The following NOX4 variants were observed in gnomAD, a reference collection of about 807,000 sequenced individuals.
NOX4 encodes kidney oxidase-1.
Under a neutral mutation model 87.6 loss-of-function variants are expected in NOX4, and 69 were observed. That is an observed-to-expected ratio of 0.79 (90% CI 0.65 to 0.96). NOX4 has a LOEUF of 0.96. Among genes scored for constraint, NOX4 ranks in the 40% least tolerant of loss-of-function variants. The pLI is 0.00. For synonymous variants in NOX4, 275 were observed against 238.2 expected (o/e 1.15, Z -1.42); for missense variants, 680 against 681.5 (o/e 1.00, Z 0.02).
At chr11:89,424,487 G>A (rs545414267) in intron 7 of NOX4, among the ~76,000 whole-genome samples, 147 of 150,252 alleles carry the variant, frequency 9.8e-4, no homozygotes, top group African/African-American at 3.5e-3. Context: ...TGTAAATATT[G>A]ATAGAATTAA....
intron 15 of NOX4, among the ~76,000 whole-genome samples, chr11:89,339,578 G>T (rs1167856908): frequency 3.3e-5 from 5 of 152,064 alleles, no homozygotes; most frequent in Non-Finnish European, 7.4e-5. Flanking sequence ...CTTTATCTCT[G>T]CAAAAAATAA....
intron 14 of NOX4, among the ~76,000 whole-genome samples, chr11:89,340,423 ATGAAT>A (rs1945934240): frequency 7.0e-6 from 1 of 142,514 alleles, no homozygotes; most frequent in Non-Finnish European, 1.5e-5. Context: ...TAAATGTTAA[ATGAAT>A]TTAAGTGTGA....
At chr11:89,541,190 AAGTT>A in the NOX4 span, among the ~76,000 whole-genome samples, 1 of 152,088 alleles carries the variant, frequency 6.6e-6, no homozygotes, top group African/African-American at 2.4e-5. Context: ...TTATTATAGA[AAGTT>A]AGAAGAAGCA....
At chr11:89,443,840 T>G in intron 5 of NOX4, 1 of 271,882 alleles carries the variant, frequency 3.7e-6, no homozygotes, top group Non-Finnish European at 7.0e-6. Context: ...CTCAGCTGAA[T>G]GATAGGAATT....
At chr11:89,331,598 A>G (rs1945473956) in intron 17 of NOX4, among the ~76,000 whole-genome samples, 1 of 151,894 alleles carries the variant, frequency 6.6e-6, no homozygotes, top group Non-Finnish European at 1.5e-5. Flanking sequence ...TGTCAACGCC[A>G]TATGATGGCA....
At chr11:89,341,524 C>A (rs1355885744) in intron 14 of NOX4, among the ~76,000 whole-genome samples, 1 of 152,126 alleles carries the variant, frequency 6.6e-6, no homozygotes, top group Non-Finnish European at 1.5e-5. Flanking sequence ...AAAGCCTGAC[C>A]ATACTTCAAC....
the NOX4 span, among the ~76,000 whole-genome samples, chr11:89,553,044 G>A: frequency 1.3e-5 from 2 of 152,096 alleles, no homozygotes; most frequent in African/African-American, 2.4e-5. Context: ...TCACCCCAGA[G>A]AAAACCAGGC....
intron 12 of NOX4, among the ~76,000 whole-genome samples, chr11:89,364,732 T>C (rs1206774153): frequency 6.6e-6 from 1 of 152,170 alleles, no homozygotes; most frequent in Non-Finnish European, 1.5e-5. Context: ...AAAATTTATC[T>C]ACTATCATTC....
chr11:89,568,957 G>T, the NOX4 span, among the ~76,000 whole-genome samples: 36 of 152,160 alleles, frequency 2.4e-4, no homozygotes, highest in South Asian at 6.2e-4. Context: ...TAACTGGCTA[G>T]CCATATGCAG....
chr11:89,373,079 TTGA>T (rs1029382379), intron 12 of NOX4, among the ~76,000 whole-genome samples: 7 of 151,478 alleles, frequency 4.6e-5, no homozygotes, highest in African/African-American at 1.7e-4. Context: ...ATATCAGGTG[TTGA>T]TTATTTTGAC....
At chr11:89,540,134 A>G in the NOX4 span, among the ~76,000 whole-genome samples, 79 of 152,322 alleles carry the variant, frequency 5.2e-4, no homozygotes, top group African/African-American at 1.6e-3. Context: ...TAAAATGCCA[A>G]GACAATCATG....
intron 2 of NOX4, among the ~76,000 whole-genome samples, chr11:89,485,341 T>TA (rs1946550238): frequency 6.6e-6 from 1 of 152,118 alleles, no homozygotes; most frequent in Admixed American, 6.6e-5. Context: ...ACCATGTGAA[T>TA]AACTAGTTTG....
the NOX4 span, among the ~76,000 whole-genome samples, chr11:89,519,088 C>T: frequency 3.3e-5 from 5 of 151,920 alleles, no homozygotes; most frequent in African/African-American, 9.7e-5. Flanking sequence ...ATAAACACCA[C>T]CTGTAAAGTC....
At chr11:89,529,841 A>T in the NOX4 span, among the ~76,000 whole-genome samples, 1,160 of 152,310 alleles carry the variant, frequency 7.6e-3, 16 homozygotes, top group African/African-American at 0.026. Context: ...AACTGGACAC[A>T]ATGTACAAAG....
intron 13 of NOX4, among the ~76,000 whole-genome samples, chr11:89,344,878 A>G (rs1946148554): frequency 6.6e-6 from 1 of 152,166 alleles, no homozygotes; most frequent in South Asian, 2.1e-4. Flanking sequence ...CTTTACAATT[A>G]CCAGTTATTT....
the NOX4 span, among the ~76,000 whole-genome samples, chr11:89,518,444 A>T: frequency 6.6e-6 from 1 of 152,102 alleles, no homozygotes; most frequent in Admixed American, 6.6e-5. Flanking sequence ...GATCAGAATT[A>T]GTATCTATTC....
At chr11:89,397,243 A>G (rs1485781661) in intron 11 of NOX4, among the ~76,000 whole-genome samples, 1 of 152,212 alleles carries the variant, frequency 6.6e-6, no homozygotes, top group Non-Finnish European at 1.5e-5. Context: ...AAATGAAGGC[A>G]GAAATAAAGA....
chr11:89,440,867 A>G, intron 5 of NOX4, 152 bp from the exon 6 acceptor site: 1 of 484,606 alleles, frequency 2.1e-6, no homozygotes, highest in Non-Finnish European at 3.7e-6. Context: ...TAAGTTTCAT[A>G]ACATTTTCAC....
At chr11:89,536,008 C>T in the NOX4 span, among the ~76,000 whole-genome samples, 3 of 152,048 alleles carry the variant, frequency 2.0e-5, no homozygotes, top group Admixed American at 6.6e-5. Flanking sequence ...CTAACCGCTG[C>T]CTTCAATATG....
Sources: allele counts gnomAD v4.1 joint callset (sites outside exome capture counted in the v4.1 genomes callset), GRCh38; gene constraint gnomAD v4.1.1; transcripts MANE v1.5; gene names NCBI Gene and HGNC (gene_info 2026-07-23, HGNC 2026-07-21).